Variants in NIBAN1 observed in about 807,000 individuals in gnomAD.
NIBAN1 encodes the protein protein Niban 1.
A neutral mutation model predicts 75.1 loss-of-function variants in NIBAN1; 81 were observed. The observed-to-expected ratio is 1.08, with a 90% CI of 0.90 to 1.30. The LOEUF (loss-of-function observed/expected upper bound fraction) is 1.30. Among genes scored for constraint, NIBAN1 ranks in the 50% most tolerant of loss-of-function variants. NIBAN1 has a pLI of 0.00. For missense variants in NIBAN1, 1,133 were observed against 1,128.1 expected (o/e 1.00, Z -0.06); for synonymous variants, 436 against 424.8 (o/e 1.03, Z -0.32).
chr1:184,890,262 C>G (rs1557902160), intron 3 of NIBAN1, 40 bp from the exon 4 acceptor site: 3 of 1,502,334 alleles, frequency 2.0e-6, no homozygotes, highest in East Asian at 2.3e-5. Context: ...ATCTTTTTCC[C>G]CATTTGATTT....
At chr1:184,930,363 A>G (rs1395939407) in intron 1 of NIBAN1, among the ~76,000 whole-genome samples, 1 of 152,234 alleles carries the variant, frequency 6.6e-6, no homozygotes, top group African/African-American at 2.4e-5. Flanking sequence ...AGAGAGATGT[A>G]TCTATCAACC....
chr1:184,895,108 C>G (rs114746781), intron 2 of NIBAN1, among the ~76,000 whole-genome samples: 3,320 of 152,234 alleles, frequency 0.022, 115 homozygotes, highest in African/African-American at 0.075. Flanking sequence ...ATATGCCAAT[C>G]TCTTTTAAGA....
intron 1 of NIBAN1, among the ~76,000 whole-genome samples, chr1:184,971,023 T>C (rs1012294576): frequency 3.3e-5 from 5 of 152,170 alleles, no homozygotes; most frequent in Non-Finnish European, 5.9e-5. Context: ...TGGTGACTCA[T>C]GCCTGTAATC....
chr1:184,843,645 A>G (rs1655357158), intron 5 of NIBAN1, among the ~76,000 whole-genome samples: 1 of 152,216 alleles, frequency 6.6e-6, no homozygotes, highest in South Asian at 2.1e-4. Context: ...TTCCCTGGAC[A>G]AATCTATATG....
intron 12 of NIBAN1, among the ~76,000 whole-genome samples, chr1:184,803,033 C>T (rs1654087258): frequency 6.6e-6 from 1 of 152,192 alleles, no homozygotes; most frequent in African/African-American, 2.4e-5. Flanking sequence ...GTCACACCCT[C>T]GCAATCATGG....
At position 184,795,892 on chromosome 1, in the gene NIBAN1, T is replaced by C. The variant is rs775112295; in HGVS notation, c.1872A>G (p.Glu624=). The C allele has an allele frequency of 1.3e-5, 21 of 1,613,804 alleles. No individual in the cohort carries two copies. The highest frequency in any genetic ancestry group is 1.7e-5 in the Non-Finnish European group (20 of 1,179,878). ...AGCTAGGGACCTCAGGCTGCTTCTC[T>C]TCCTCTGACTCCTGGAATACTTCGT... ...LSNEVFQESE[E]EKQPEVPSSL... Residue 624 remains glutamate (E), a synonymous_variant, in exon 14 of 14, where the codon GAA becomes GAG. Coordinates refer to ENST00000367511, the MANE Select transcript of NIBAN1 (RefSeq NM_052966.4).
At chr1:184,907,671 C>T (rs987654846) in intron 1 of NIBAN1, among the ~76,000 whole-genome samples, 1 of 152,128 alleles carries the variant, frequency 6.6e-6, no homozygotes, top group Non-Finnish European at 1.5e-5. Flanking sequence ...AGAATAATGC[C>T]CAAGGACTCT....
intron 1 of NIBAN1, among the ~76,000 whole-genome samples, chr1:184,935,367 G>A (rs936219692): frequency 6.6e-6 from 1 of 151,982 alleles, no homozygotes; most frequent in Non-Finnish European, 1.5e-5. Flanking sequence ...AAAAAGCTGG[G>A]CACAGTGGCA....
At chr1:184,927,518 C>G (rs1657712031) in intron 1 of NIBAN1, among the ~76,000 whole-genome samples, 1 of 152,112 alleles carries the variant, frequency 6.6e-6, no homozygotes, top group African/African-American at 2.4e-5. Flanking sequence ...GTCTCTTTCT[C>G]TGTGTTGAGC....
chr1:184,970,724 GC>G (rs1658914118), intron 1 of NIBAN1, among the ~76,000 whole-genome samples: 1 of 152,144 alleles, frequency 6.6e-6, no homozygotes, highest in South Asian at 2.1e-4. Flanking sequence ...CTGCTGGCAG[GC>G]CTGCAAGTGC....
chr1:184,803,512 C>A, intron 12 of NIBAN1, 73 bp downstream of exon 12: 1 of 1,178,472 alleles, frequency 8.5e-7, no homozygotes, highest in South Asian at 1.3e-5. Context: ...TTTGCCAGTA[C>A]ACATCACAAA....
intron 1 of NIBAN1, among the ~76,000 whole-genome samples, chr1:184,929,207 C>T (rs1477720531): frequency 1.3e-5 from 2 of 152,124 alleles, no homozygotes; most frequent in Non-Finnish European, 2.9e-5. Context: ...TCCCAAAATA[C>T]TTTATTTTTC....
intron 5 of NIBAN1, among the ~76,000 whole-genome samples, chr1:184,870,968 C>G (rs1656091803): frequency 6.6e-6 from 1 of 152,150 alleles, no homozygotes; most frequent in Non-Finnish European, 1.5e-5. Flanking sequence ...GAAATACGGT[C>G]ATTGCATATG....
At chr1:184,878,767 A>G (rs1022225406) in intron 5 of NIBAN1, among the ~76,000 whole-genome samples, 1 of 152,228 alleles carries the variant, frequency 6.6e-6, no homozygotes, top group Admixed American at 6.5e-5. Context: ...CATGATATCT[A>G]CAACTGAAAC....
chr1:184,873,844 G>A lies in NIBAN1; in HGVS notation c.601+10789C>T, dbSNP rs192264047. Among the ~76,000 whole-genome samples, 124 of 152,064 alleles carry A rather than the reference G, an allele frequency of 8.2e-4. 1 individual carries two copies. The highest frequency in any genetic ancestry group is 2.8e-3 in the African/African-American group (118 of 41,406). On this transcript the variant is annotated intron_variant, in intron 5 of 13. Coordinates refer to ENST00000367511, the MANE Select transcript of NIBAN1 (RefSeq NM_052966.4). ...CTGTCTTTTATCAGCTTAATTCACC[G>A]ATTCCAGCAGAACCTAAGAGAGTAT... is the stretch of plus-strand genomic sequence containing the variant.
chr1:184,900,953 T>C lies in NIBAN1; in HGVS notation c.56-1644A>G, dbSNP rs748541831. On this transcript the variant is annotated intron_variant, in intron 1 of 13. Coordinates refer to ENST00000367511, the MANE Select transcript of NIBAN1 (RefSeq NM_052966.4). ...TAGTCAATAAAGAGATATTAAAATA[T>C]ACTGGCAAGATTTGTTTAGAGCTAT... is the stretch of plus-strand genomic sequence containing the variant. Among the ~76,000 whole-genome samples the C allele has an allele frequency of 2.7e-4, 41 of 152,356 alleles. No homozygotes were observed. The Middle Eastern group carries it at 0.01, about 38-fold the overall frequency.
chr1:184,838,780 T>C (rs1655204094), intron 5 of NIBAN1, among the ~76,000 whole-genome samples: 1 of 152,178 alleles, frequency 6.6e-6, no homozygotes, highest in South Asian at 2.1e-4. Flanking sequence ...GGCTGTGGTG[T>C]TGGGACTCCC....
intron 12 of NIBAN1, among the ~76,000 whole-genome samples, chr1:184,802,948 T>C (rs1210831668): frequency 6.6e-6 from 1 of 152,184 alleles, no homozygotes; most frequent in Non-Finnish European, 1.5e-5. Flanking sequence ...ATTTGTACCA[T>C]GAGGATATAA....
At chr1:184,806,169 G>C in intron 10 of NIBAN1, 113 bp from the exon 11 acceptor site, 1 of 738,316 alleles carries the variant, frequency 1.4e-6, no homozygotes, top group Non-Finnish European at 2.2e-6. Flanking sequence ...GAGTCCCCTC[G>C]GCTGCTATTC....
Sources: allele counts gnomAD v4.1 joint callset (sites outside exome capture counted in the v4.1 genomes callset), GRCh38; gene constraint gnomAD v4.1.1; transcripts MANE v1.5; gene names NCBI Gene and HGNC (gene_info 2026-07-23, HGNC 2026-07-21).